RTL4: variants seen among roughly 807,000 people sequenced by gnomAD.
RTL4 encodes the protein retrotransposon Gag-like protein 4.
Under a neutral mutation model 5.3 loss-of-function variants are expected in RTL4, and 4 were observed. The ratio of observed to expected loss-of-function variants is 0.75; its 90% CI spans 0.37 to 1.72. RTL4 has a LOEUF of 1.72. Ranked by LOEUF, RTL4 falls within the 40% of genes most tolerant of loss-of-function variation. The pLI, the probability that RTL4 is intolerant of heterozygous loss-of-function variation, is 0.04. For missense variants in RTL4, 260 were observed against 227.1 expected, an observed-to-expected ratio of 1.14 and a Z score of -0.93; for synonymous variants, 98 against 87.3, an observed-to-expected ratio of 1.12 and a Z score of -0.68.
At chrX:112,332,754 A>C in the RTL4 span, among the ~76,000 whole-genome samples, 3,792 of 109,926 alleles carry the variant, frequency 0.034, 194 homozygotes, top group African/African-American at 0.12. Context: ...TGGGTGCAGC[A>C]CACCAACATG....
the RTL4 span, among the ~76,000 whole-genome samples, chrX:112,314,790 A>G: frequency 2.7e-5 from 3 of 110,900 alleles, no homozygotes; most frequent in Non-Finnish European, 5.7e-5. Context: ...ACTCTCCCAC[A>G]AATTTTAGGC....
the RTL4 span, among the ~76,000 whole-genome samples, chrX:112,176,991 C>T: frequency 9.1e-6 from 1 of 110,338 alleles, no homozygotes; most frequent in African/African-American, 3.3e-5. Context: ...CATGTTGCAG[C>T]AAGTGAGAGG....
the RTL4 span, among the ~76,000 whole-genome samples, chrX:112,127,359 T>G: frequency 9.0e-6 from 1 of 110,724 alleles, no homozygotes; most frequent in African/African-American, 3.3e-5. Context: ...AAAGCACTTG[T>G]CAAAATTCAA....
At chrX:112,126,994 T>C in the RTL4 span, among the ~76,000 whole-genome samples, 1 of 111,601 alleles carries the variant, frequency 9.0e-6, no homozygotes, top group African/African-American at 3.3e-5. Flanking sequence ...TACAAAACAT[T>C]TAAAGAAAAA....
the RTL4 span, among the ~76,000 whole-genome samples, chrX:112,297,176 G>A: frequency 9.0e-6 from 1 of 111,012 alleles, no homozygotes; most frequent in Admixed American, 9.7e-5. Flanking sequence ...ACAAATTAAG[G>A]CTCTTCTTAG....
the RTL4 span, among the ~76,000 whole-genome samples, chrX:112,410,833 G>T: frequency 9.0e-6 from 1 of 111,322 alleles, no homozygotes; most frequent in Non-Finnish European, 1.9e-5. Flanking sequence ...AATGAGAAAT[G>T]CAAGGACAAA....
At chrX:112,178,031 C>G in the RTL4 span, among the ~76,000 whole-genome samples, 2 of 109,849 alleles carry the variant, frequency 1.8e-5, no homozygotes, top group African/African-American at 6.6e-5. Context: ...AACCCCCAGT[C>G]TAGACTGTCC....
At chrX:112,283,102 G>T in the RTL4 span, among the ~76,000 whole-genome samples, 2 of 111,327 alleles carry the variant, frequency 1.8e-5, no homozygotes, top group Non-Finnish European at 3.8e-5. Flanking sequence ...TGTAGAAAGG[G>T]TTTTCTCTTT....
At chrX:112,364,185 A>C in the RTL4 span, among the ~76,000 whole-genome samples, 2 of 111,348 alleles carry the variant, frequency 1.8e-5, no homozygotes, top group African/African-American at 6.5e-5. Flanking sequence ...AAAGAAGTAA[A>C]TGACTTGGAT....
chrX:112,407,370 CCCTGTGGG>C, the RTL4 span, among the ~76,000 whole-genome samples: 2 of 111,442 alleles, frequency 1.8e-5, no homozygotes, highest in Non-Finnish European at 3.8e-5. Flanking sequence ...TGGTAGTACT[CCCTGTGGG>C]CCTGTGGTGG....
chrX:112,098,485 C>T, the RTL4 span, among the ~76,000 whole-genome samples: 10 of 111,489 alleles, frequency 9.0e-5, no homozygotes, highest in South Asian at 3.8e-4. Context: ...AGTAATGGGA[C>T]TGCTGGGTCA....
the RTL4 span, among the ~76,000 whole-genome samples, chrX:112,092,508 G>A: frequency 9.0e-6 from 1 of 111,552 alleles, no homozygotes; most frequent in Non-Finnish European, 1.9e-5. Flanking sequence ...TCACTTAAAT[G>A]TTAAACCATC....
At chrX:112,306,765 G>T in the RTL4 span, among the ~76,000 whole-genome samples, 1 of 111,522 alleles carries the variant, frequency 9.0e-6, no homozygotes, top group Non-Finnish European at 1.9e-5. Flanking sequence ...GCTACCCAAA[G>T]TCTTCCCACA....
At chrX:112,289,036 T>C in the RTL4 span, among the ~76,000 whole-genome samples, 1 of 111,744 alleles carries the variant, frequency 8.9e-6, no homozygotes, top group African/African-American at 3.3e-5. Context: ...AATGAATGAA[T>C]AGAATTTAAA....
At chrX:112,149,478 A>T in the RTL4 span, among the ~76,000 whole-genome samples, 1 of 111,158 alleles carries the variant, frequency 9.0e-6, no homozygotes. Flanking sequence ...GGACACACAA[A>T]TATCTGGGGA....
At chrX:112,104,151 T>C in the RTL4 span, among the ~76,000 whole-genome samples, 1 of 112,127 alleles carries the variant, frequency 8.9e-6, no homozygotes, top group African/African-American at 3.2e-5. Flanking sequence ...TCATTCAGTA[T>C]TTGTCTTTCT....
the RTL4 span, among the ~76,000 whole-genome samples, chrX:112,178,467 C>G: frequency 3.6e-5 from 4 of 111,853 alleles, no homozygotes; most frequent in African/African-American, 1.3e-4. Flanking sequence ...TTGCCTCTGA[C>G]AACTGTACCA....
At chrX:112,196,881 C>T in the RTL4 span, among the ~76,000 whole-genome samples, 13 of 110,549 alleles carry the variant, frequency 1.2e-4, no homozygotes, top group Non-Finnish European at 2.5e-4. Context: ...ATACTTTAGA[C>T]GCTAGTCCTT....
At chrX:112,187,770 C>T in the RTL4 span, among the ~76,000 whole-genome samples, 1 of 111,482 alleles carries the variant, frequency 9.0e-6, no homozygotes, top group Non-Finnish European at 1.9e-5. Flanking sequence ...AGGTGAATAA[C>T]CTCCAAAACT....
Sources: gnomAD v4.1 joint callset for allele counts (sites outside exome capture counted in the v4.1 genomes callset) on GRCh38, gnomAD v4.1.1 for gene constraint, MANE v1.5 for transcripts, NCBI Gene and HGNC (gene_info 2026-07-23, HGNC 2026-07-21) for gene names.